Variants in CCNJL observed in about 807,000 individuals in gnomAD.
CCNJL encodes the protein cyclin-J-like protein.
In CCNJL, 33 loss-of-function variants were observed where a neutral mutation model predicts 33.4. The ratio of observed to expected loss-of-function variants is 0.99; its 90% CI spans 0.75 to 1.32. The LOEUF is 1.32. Ranked by LOEUF, CCNJL falls within the 40% of genes most tolerant of loss-of-function variation. CCNJL has a pLI of 0.00. For synonymous variants in CCNJL, 227 were observed against 220.9 expected, an observed-to-expected ratio of 1.03 and a Z score of -0.24; for missense variants, 512 against 499.7, an observed-to-expected ratio of 1.02 and a Z score of -0.23.
chr5:160,281,068 T>TC (rs925109373), intron 2 of CCNJL: 17 of 377,804 alleles, frequency 4.5e-5, no homozygotes, highest in Non-Finnish European at 8.5e-5. Flanking sequence ...CAAATTCTTT[T>TC]TTTTTCCCCT....
rs1157361842 is a variant in CCNJL, at chr5:160,322,961, G to A, written n.207-7456C>T. Among the ~76,000 whole-genome samples the A allele has an allele frequency of 8.7e-5, 13 of 149,640 alleles. 1 individual carries two copies. The highest frequency in any genetic ancestry group is 1.8e-4 in the Non-Finnish European group (12 of 67,664). ...ATAAAAATGTCCCTCAAGGCCAGGC[G>A]CGGTGGCTCACGACTGTAATCCCAG... On this transcript the variant is annotated intron_variant and non_coding_transcript_variant, in intron 1 of 7. Transcript: ENST00000377503.
rs1760877789 is a variant in CCNJL, at chr5:160,253,068, C to G, written c.*310G>C. ...TGAGATCAGTGGTCTGTGTCCAGTT[C>G]CCACTCTCCTGGCCTCTTATCAAGT... On this transcript the variant is annotated 3_prime_UTR_variant, in exon 6 of 6. Transcript: ENST00000257536. The G allele has an allele frequency of 3.4e-6, 1 of 290,274 alleles. No homozygotes were observed. Among genetic ancestry groups the G allele is most frequent in the African/African-American group, 2.2e-5 (1 of 46,356 alleles). 18.0% of individuals were successfully genotyped at this position (290,274 alleles called of 1,614,324 possible). A position where few individuals can be genotyped will look rare whatever the true frequency, so the allele number is the denominator to read the frequency against.
At chr5:160,304,777 C>T (rs1276841991) in intron 2 of CCNJL, among the ~76,000 whole-genome samples, 2 of 151,602 alleles carry the variant, frequency 1.3e-5, no homozygotes, top group Non-Finnish European at 2.9e-5. Flanking sequence ...CTACCCAAAT[C>T]CATGAGCCCT....
intron 2 of CCNJL, among the ~76,000 whole-genome samples, chr5:160,306,159 T>A (rs1763089079): frequency 6.6e-6 from 1 of 150,930 alleles, no homozygotes; most frequent in Non-Finnish European, 1.5e-5. Flanking sequence ...TAATCCTAGC[T>A]ACTCGGGAGG....
intron 4 of CCNJL, chr5:160,258,446 G>C: frequency 9.6e-7 from 1 of 1,046,544 alleles, no homozygotes; most frequent in Non-Finnish European, 1.5e-6. Context: ...CACATGAAGA[G>C]GGCACTGGAC....
intron 1 of CCNJL, among the ~76,000 whole-genome samples, chr5:160,320,621 G>A (rs1027267984): frequency 4.6e-5 from 7 of 152,210 alleles, no homozygotes; most frequent in African/African-American, 9.7e-5. Flanking sequence ...TGCATCCAGG[G>A]TGGGGAGCCC....
chr5:160,288,001 A>T (rs937251559), intron 2 of CCNJL, among the ~76,000 whole-genome samples: 7 of 152,220 alleles, frequency 4.6e-5, no homozygotes, highest in African/African-American at 1.7e-4. Context: ...CATCTGCCGC[A>T]GGAGTATCTA....
chr5:160,291,881 T>C (rs1762594914), intron 2 of CCNJL, among the ~76,000 whole-genome samples: 1 of 152,134 alleles, frequency 6.6e-6, no homozygotes, highest in Non-Finnish European at 1.5e-5. Flanking sequence ...ATCTCTTATA[T>C]ATTATGTATA....
chr5:160,318,115 C>G (rs1307903230), intron 1 of CCNJL, among the ~76,000 whole-genome samples: 1 of 151,818 alleles, frequency 6.6e-6, no homozygotes, highest in Non-Finnish European at 1.5e-5. Context: ...CTCCAGGGTT[C>G]AAGCAATTCT....
In CCNJL at chr5:160,251,375, T is replaced by G. The variant is rs1760797368; in HGVS notation, c.*2003A>C. 6.6e-6 allele frequency: 1 copy of G among 152,186 alleles called. No homozygotes were observed. Among genetic ancestry groups the G allele is most frequent in the African/African-American group, 2.4e-5 (1 of 41,448 alleles). The allele number at this position is 152,186 out of a possible 1,614,324, so 9.4% of individuals were successfully genotyped here. On this transcript the variant is annotated 3_prime_UTR_variant, in exon 6 of 6. Coordinates refer to ENST00000257536, the MANE Select transcript of CCNJL (RefSeq NM_001308173.3). Reference sequence around the variant, plus strand: ...CAGCCTCTGCAATCACATGAGCCAATTCCTTAAAATAAATCTCTCTCCATA... The same window carrying G: ...CAGCCTCTGCAATCACATGAGCCAAGTCCTTAAAATAAATCTCTCTCCATA...
intron 2 of CCNJL, among the ~76,000 whole-genome samples, chr5:160,285,377 C>T (rs1762369807): frequency 6.6e-6 from 1 of 150,688 alleles, no homozygotes; most frequent in Non-Finnish European, 1.5e-5. Context: ...TTCAGCACCC[C>T]AGTGTGAAGA....
upstream of CCNJL, among the ~76,000 whole-genome samples, chr5:160,313,250 G>A (rs2113465206): frequency 6.6e-6 from 1 of 152,250 alleles, no homozygotes; most frequent in African/African-American, 2.4e-5. Flanking sequence ...CCCATCTGAT[G>A]GCATAGCATT....
intron 2 of CCNJL, among the ~76,000 whole-genome samples, chr5:160,304,172 C>T (rs967020525): frequency 7.2e-5 from 11 of 152,184 alleles, no homozygotes; most frequent in African/African-American, 2.7e-4. Context: ...GACTGGGTAT[C>T]GTGCACACAC....
At chr5:160,287,186 TAG>T (rs1435071282) in intron 2 of CCNJL, among the ~76,000 whole-genome samples, 16 of 152,248 alleles carry the variant, frequency 1.1e-4, no homozygotes, top group African/African-American at 3.9e-4. Context: ...GCCGTAAATG[TAG>T]AGTATTTGGT....
intron 3 of CCNJL, among the ~76,000 whole-genome samples, chr5:160,279,459 C>T (rs1707901510): frequency 1.3e-5 from 2 of 152,170 alleles, no homozygotes; most frequent in Non-Finnish European, 2.9e-5. Context: ...ATTGATTACA[C>T]AGATTATTTT....
At chr5:160,302,726 C>A (rs372086346) in intron 2 of CCNJL, among the ~76,000 whole-genome samples, 3 of 152,058 alleles carry the variant, frequency 2.0e-5, no homozygotes, top group East Asian at 1.9e-4. Context: ...GCAGGAGAAT[C>A]ATTTGTCCCC....
chr5:160,330,688 G>C (rs747783985), intron 1 of CCNJL, among the ~76,000 whole-genome samples: 1 of 148,776 alleles, frequency 6.7e-6, no homozygotes, highest in Non-Finnish European at 1.5e-5. Context: ...TTTTGAGACA[G>C]AGTCTCCCTC....
chr5:160,320,996 T>TC (rs1763446547), intron 1 of CCNJL, among the ~76,000 whole-genome samples: 1 of 97,112 alleles, frequency 1.0e-5, no homozygotes, highest in African/African-American at 4.2e-5. Context: ...CTTTCTTTCT[T>TC]TCTCTCTCTC....
At chr5:160,276,706 G>C (rs1381367330) in intron 3 of CCNJL, among the ~76,000 whole-genome samples, 1 of 152,164 alleles carries the variant, frequency 6.6e-6, no homozygotes, top group Non-Finnish European at 1.5e-5. Context: ...AGAGCGTGAA[G>C]GTGCTAAACA....
Sources: allele counts gnomAD v4.1 joint callset (sites outside exome capture counted in the v4.1 genomes callset), GRCh38; gene constraint gnomAD v4.1.1; transcripts MANE v1.5; gene names NCBI Gene and HGNC (gene_info 2026-07-23, HGNC 2026-07-21).